KLHL1: variants seen among roughly 807,000 people sequenced by gnomAD.
KLHL1 encodes kelch-like protein 1.
In KLHL1, 47 loss-of-function variants were observed where a neutral mutation model predicts 77.7. The ratio of observed to expected loss-of-function variants is 0.60; its 90% CI spans 0.48 to 0.77. The LOEUF (loss-of-function observed/expected upper bound fraction) is 0.77. KLHL1 is among the 30% of genes least tolerant of loss of function. KLHL1 has a pLI of 0.00. For missense variants in KLHL1, 925 were observed against 910.8 expected, an observed-to-expected ratio of 1.02 and a Z score of -0.20; for synonymous variants, 360 against 325.2, an observed-to-expected ratio of 1.11 and a Z score of -1.15.
chr13:69,759,070 A>T (rs1406873006), intron 7 of KLHL1, among the ~76,000 whole-genome samples: 1 of 152,108 alleles, frequency 6.6e-6, no homozygotes, highest in Non-Finnish European at 1.5e-5. Flanking sequence ...CCAGGTGTAG[A>T]ACTCAGGAAA....
chr13:69,837,375 T>C (rs796531323), intron 6 of KLHL1, among the ~76,000 whole-genome samples: 1 of 151,410 alleles, frequency 6.6e-6, no homozygotes, highest in Non-Finnish European at 1.5e-5. Context: ...AGTAAGCAAT[T>C]TGAAATGTCT....
At chr13:69,877,599 CT>C (rs756457943) in intron 5 of KLHL1, among the ~76,000 whole-genome samples, 12 of 152,050 alleles carry the variant, frequency 7.9e-5, no homozygotes, top group Non-Finnish European at 1.6e-4. Context: ...CCATTCATAA[CT>C]TATTTTTTTA....
intron 8 of KLHL1, among the ~76,000 whole-genome samples, chr13:69,736,679 G>GATAGAT (rs1555264281): frequency 6.8e-6 from 1 of 146,234 alleles, no homozygotes; most frequent in South Asian, 2.1e-4. Context: ...GAGATTGTGA[G>GATAGAT]ATATATATAT....
At chr13:69,910,693 C>T (rs1566391400) in intron 4 of KLHL1, among the ~76,000 whole-genome samples, 1 of 151,876 alleles carries the variant, frequency 6.6e-6, no homozygotes, top group East Asian at 1.9e-4. Context: ...TACTGGAAAA[C>T]CAAATATTTT....
chr13:70,005,887 T>A (rs1885394079), intron 1 of KLHL1, among the ~76,000 whole-genome samples: 1 of 152,012 alleles, frequency 6.6e-6, no homozygotes, highest in Non-Finnish European at 1.5e-5. Context: ...AGATCTACTC[T>A]CTTTAGCAAA....
In KLHL1 at chr13:69,866,154, G is replaced by A. The variant is rs544253247; in HGVS notation, c.1227+16129C>T. On this transcript the variant is annotated intron_variant, in intron 5 of 10. Transcript: ENST00000377844. The stretch of plus-strand genomic sequence containing the variant: ...TTAGGCTTCTTTTGAAAAGAGTACA[G>A]CACTTATGCTGAATTGCGGCAAATT... Among the ~76,000 whole-genome samples, 12 of 152,180 alleles carry A rather than the reference G, an allele frequency of 7.9e-5. No homozygotes were observed. The South Asian group carries it at 2.5e-3, about 32-fold the overall frequency.
intron 1 of KLHL1, among the ~76,000 whole-genome samples, chr13:70,100,985 TAA>T (rs1887909979): frequency 6.6e-6 from 1 of 152,220 alleles, no homozygotes; most frequent in Admixed American, 6.5e-5. Flanking sequence ...GTATATTCTA[TAA>T]GTGTTCTTGG....
intron 6 of KLHL1, among the ~76,000 whole-genome samples, chr13:69,804,314 G>C (rs893162571): frequency 1.3e-5 from 2 of 151,834 alleles, no homozygotes; most frequent in Admixed American, 1.3e-4. Context: ...TTGTGGGGGG[G>C]GGAAATAGTA....
chr13:69,745,301 C>A (rs74694217), intron 7 of KLHL1, among the ~76,000 whole-genome samples: 36,299 of 146,592 alleles, frequency 0.25, 4,463 homozygotes, highest in African/African-American at 0.3. Context: ...AATTGGATGT[C>A]TCTTATTATT....
chr13:69,828,711 G>T (rs962106390), intron 6 of KLHL1, among the ~76,000 whole-genome samples: 11 of 150,166 alleles, frequency 7.3e-5, no homozygotes, highest in African/African-American at 2.2e-4. Context: ...CCAGGCTGAT[G>T]CTGGGACAAG....
At chr13:69,759,279 G>T (rs1874908405) in intron 7 of KLHL1, among the ~76,000 whole-genome samples, 1 of 152,104 alleles carries the variant, frequency 6.6e-6, no homozygotes, top group Admixed American at 6.6e-5. Flanking sequence ...CAAGGCTCTG[G>T]GGGTGCCCAG....
chr13:69,751,104 A>ATGTG (rs1491226199), intron 7 of KLHL1, among the ~76,000 whole-genome samples: 1 of 124,700 alleles, frequency 8.0e-6, no homozygotes, highest in African/African-American at 3.4e-5. Flanking sequence ...CATTCATGTC[A>ATGTG]TGTGTGTATG....
chr13:69,826,650 C>A (rs1878560511), intron 6 of KLHL1, among the ~76,000 whole-genome samples: 1 of 151,998 alleles, frequency 6.6e-6, no homozygotes, highest in African/African-American at 2.4e-5. Flanking sequence ...ATATTTGAGG[C>A]AATTTATATG....
chr13:69,867,649 C>T (rs1880413385), intron 5 of KLHL1, among the ~76,000 whole-genome samples: 1 of 151,152 alleles, frequency 6.6e-6, no homozygotes, highest in South Asian at 2.1e-4. Flanking sequence ...TCATTTCATT[C>T]CAAATAAAGA....
intron 4 of KLHL1, among the ~76,000 whole-genome samples, chr13:69,939,340 CAT>C (rs34074889): frequency 0.016 from 965 of 60,776 alleles, 26 homozygotes; most frequent in Admixed American, 0.061. Flanking sequence ...CATATACATA[CAT>C]ATATATATAT....
chr13:69,703,780 C>T lies in KLHL1; in HGVS notation c.2188-2019G>A, dbSNP rs577322621. Among the ~76,000 whole-genome samples the T allele has an allele frequency of 2.0e-4, 31 of 151,782 alleles. No homozygotes were observed. The South Asian group carries it at 6.2e-3, about 30-fold the overall frequency. On this transcript the variant is annotated intron_variant, in intron 10 of 10. Coordinates refer to ENST00000377844, the MANE Select transcript of KLHL1 (RefSeq NM_020866.3). ...TTGCAATTACCTAGAATACTCATTACGGTAACATACTTATATAGCTTTGTA... is the reference window on the plus strand; with the variant it reads ...TTGCAATTACCTAGAATACTCATTATGGTAACATACTTATATAGCTTTGTA...
At chr13:69,793,662 C>A (rs1478603609) in intron 7 of KLHL1, among the ~76,000 whole-genome samples, 1 of 151,876 alleles carries the variant, frequency 6.6e-6, no homozygotes, top group Admixed American at 6.6e-5. Context: ...CCTCTGCATA[C>A]CACACATAGA....
intron 1 of KLHL1, among the ~76,000 whole-genome samples, chr13:70,036,247 T>A (rs567079804): frequency 3.7e-4 from 57 of 152,094 alleles, no homozygotes; most frequent in African/African-American, 1.3e-3. Context: ...TATTTATTAT[T>A]TATTATTCCC....
Position 70,107,208 on chromosome 13 carries a change from T to G in KLHL1, c.492A>C (p.Gly164=), listed in dbSNP as rs1888083397. ...CCCGTGGGGACTTACTGTACCTGTG[T>G]CCACATCCTTCACCTGTTGCCTGGC... The part of the protein sequence containing the change: ...NSSQATGEGC[G]HRLSSTGHSM... Residue 164 remains glycine (G), a synonymous_variant, in exon 1 of 11, where the codon GGA becomes GGC. Transcript: ENST00000377844. 4.4e-6 allele frequency: 7 copies of G among 1,606,958 alleles called. No individual in the cohort carries two copies. Among genetic ancestry groups the G allele is most frequent in the Non-Finnish European group, 6.0e-6 (7 of 1,176,222 alleles).
Sources: gnomAD v4.1 joint callset for allele counts (sites outside exome capture counted in the v4.1 genomes callset) on GRCh38, gnomAD v4.1.1 for gene constraint, MANE v1.5 for transcripts, NCBI Gene and HGNC (gene_info 2026-07-23, HGNC 2026-07-21) for gene names.